The following CMBL variants were observed in gnomAD, a reference collection of about 807,000 sequenced individuals.
CMBL encodes carboxymethylenebutenolidase homolog (Pseudomonas).
In CMBL, 17 loss-of-function variants were observed where a neutral mutation model predicts 28.7. The ratio of observed to expected loss-of-function variants is 0.59; its 90% confidence interval spans 0.41 to 0.89. The LOEUF is 0.89. CMBL is among the 40% of genes least tolerant of loss of function. The pLI is 0.00. For synonymous variants in CMBL, 106 were observed against 101.6 expected (o/e 1.04, Z -0.26); for missense variants, 310 against 298.5 (o/e 1.04, Z -0.28).
intron 1 of CMBL, among the ~76,000 whole-genome samples, chr5:10,297,625 A>T (rs1051935327): frequency 2.0e-4 from 31 of 151,954 alleles, no homozygotes; most frequent in African/African-American, 7.2e-4. Flanking sequence ...GGGAAGACAC[A>T]GGGATGAGCC....
intron 1 of CMBL, among the ~76,000 whole-genome samples, chr5:10,306,598 G>A (rs894699047): frequency 1.4e-4 from 21 of 152,264 alleles, no homozygotes; most frequent in Middle Eastern, 6.8e-3. Flanking sequence ...AAGGCAGGAG[G>A]TTTCTCCTTT....
intron 2 of CMBL, 65 bp from the exon 3 acceptor site, chr5:10,288,594 T>A (rs1474921078): frequency 3.9e-6 from 5 of 1,280,342 alleles, no homozygotes; most frequent in Non-Finnish European, 5.7e-6. Flanking sequence ...TTTGCTTGCA[T>A]TTATTTAAAA....
At chr5:10,300,855 T>A (rs2126562388) in intron 1 of CMBL, among the ~76,000 whole-genome samples, 1 of 147,730 alleles carries the variant, frequency 6.8e-6, no homozygotes, top group South Asian at 2.1e-4. Flanking sequence ...TTATATTTTT[T>A]ATATATTTAT....
chr5:10,297,813 C>T (rs1211323184), intron 1 of CMBL, among the ~76,000 whole-genome samples: 2 of 152,046 alleles, frequency 1.3e-5, no homozygotes, highest in African/African-American at 4.8e-5. Context: ...GTGGACAGTC[C>T]TCACGCACCC....
chr5:10,291,984 C>G (rs1306994024), intron 1 of CMBL: 1 of 152,158 alleles, frequency 6.6e-6, no homozygotes, highest in African/African-American at 2.4e-5. Flanking sequence ...CCTAGAAACA[C>G]TTGGTGAATC....
intron 1 of CMBL, among the ~76,000 whole-genome samples, chr5:10,296,939 C>A (rs1199026985): frequency 6.6e-6 from 1 of 152,150 alleles, no homozygotes; most frequent in African/African-American, 2.4e-5. Flanking sequence ...AATCCCAGCA[C>A]TTTAAGAGGC....
In CMBL at chr5:10,277,949, C is replaced by T. The variant is rs893768743; in HGVS notation, c.*2504G>A. 7.9e-5 allele frequency among the ~76,000 whole-genome samples: 12 copies of T among 152,242 alleles called. No individual in the cohort carries two copies. Among genetic ancestry groups the T allele is most frequent in the Non-Finnish European group, 1.2e-4 (8 of 68,048 alleles). On this transcript the variant is annotated 3_prime_UTR_variant, in exon 6 of 6. Transcript: ENST00000296658. ...TGGCCACATGCTCACCGACACCGTT[C>T]CACGGCAAAAGCCCAGCACATCTCA...
intron 4 of CMBL, 125 bp from the exon 5 acceptor site, chr5:10,282,413 CA>C: frequency 1.6e-6 from 1 of 621,382 alleles, no homozygotes. Flanking sequence ...TTTGATTTTT[CA>C]AAGTAAAATC....
intron 4 of CMBL, among the ~76,000 whole-genome samples, chr5:10,285,694 C>CTTTTTTTTTTT (rs1252497762): frequency 1.1e-5 from 1 of 87,386 alleles, no homozygotes; most frequent in African/African-American, 3.1e-5. Context: ...CTTTCTCTTT[C>CTTTTTTTTTTT]TTTTTCTTTT....
intron 1 of CMBL, chr5:10,291,984 C>T (rs1306994024): frequency 6.6e-6 from 1 of 152,158 alleles, no homozygotes; most frequent in Non-Finnish European, 1.5e-5. Context: ...CCTAGAAACA[C>T]TTGGTGAATC....
intron 1 of CMBL, among the ~76,000 whole-genome samples, chr5:10,291,109 G>A (rs1746705976): frequency 6.6e-6 from 1 of 152,236 alleles, no homozygotes; most frequent in Non-Finnish European, 1.5e-5. Context: ...ACGGGGCCCA[G>A]TGATGCTGGG....
At chr5:10,305,222 G>A (rs1283983683) in intron 1 of CMBL, among the ~76,000 whole-genome samples, 2 of 151,498 alleles carry the variant, frequency 1.3e-5, no homozygotes, top group Non-Finnish European at 2.9e-5. Flanking sequence ...ACACCCTGGT[G>A]GCCATGTTCG....
intron 1 of CMBL, among the ~76,000 whole-genome samples, chr5:10,305,332 G>A (rs1746980039): frequency 6.6e-6 from 1 of 152,090 alleles, no homozygotes; most frequent in Non-Finnish European, 1.5e-5. Context: ...CTATGTGATG[G>A]TATGCACAGG....
intron 5 of CMBL, among the ~76,000 whole-genome samples, chr5:10,281,391 A>G (rs1284156812): frequency 3.9e-5 from 6 of 152,034 alleles, no homozygotes; most frequent in Admixed American, 1.3e-4. Flanking sequence ...TAATTTTTTT[A>G]TATTTTTGTG....
intron 1 of CMBL, among the ~76,000 whole-genome samples, chr5:10,291,006 G>A (rs937153488): frequency 2.0e-5 from 3 of 152,082 alleles, no homozygotes; most frequent in African/African-American, 7.2e-5. Flanking sequence ...AAAAAATAGC[G>A]ATGAAAGAAC....
chr5:10,296,415 G>A (rs1378119709), intron 1 of CMBL, among the ~76,000 whole-genome samples: 1 of 152,098 alleles, frequency 6.6e-6, no homozygotes, highest in Admixed American at 6.6e-5. Context: ...CAAGTAGCTG[G>A]TACTACAGGC....
At chr5:10,284,509 G>C (rs963537877) in intron 4 of CMBL, among the ~76,000 whole-genome samples, 1 of 152,218 alleles carries the variant, frequency 6.6e-6, no homozygotes, top group Non-Finnish European at 1.5e-5. Context: ...TCATTCAGTA[G>C]AAACTGTTCC....
intron 1 of CMBL, among the ~76,000 whole-genome samples, chr5:10,296,329 G>A (rs1746809075): frequency 6.6e-6 from 1 of 152,172 alleles, no homozygotes; most frequent in South Asian, 2.1e-4. Flanking sequence ...CCCCTAGGCT[G>A]GAGTGCAGTG....
At chr5:10,298,504 C>G (rs1409413361) in intron 1 of CMBL, among the ~76,000 whole-genome samples, 1 of 152,178 alleles carries the variant, frequency 6.6e-6, no homozygotes, top group Non-Finnish European at 1.5e-5. Context: ...GCATTGCAGC[C>G]ATGTGTTTTT....
Sources: allele counts gnomAD v4.1 joint callset (sites outside exome capture counted in the v4.1 genomes callset), GRCh38; gene constraint gnomAD v4.1.1; transcripts MANE v1.5; gene names NCBI Gene and HGNC (gene_info 2026-07-23, HGNC 2026-07-21).